ST18: variants seen among roughly 807,000 people sequenced by gnomAD.
ST18 encodes the protein suppression of tumorigenicity 18 protein.
ST18 carries 50 observed loss-of-function variants against 110.0 expected under a neutral mutation model. That is an observed-to-expected ratio of 0.45 (90% CI 0.36 to 0.58). The LOEUF (loss-of-function observed/expected upper bound fraction) is 0.58. Ranked by LOEUF, ST18 falls within the 20% of genes least tolerant of loss-of-function variation. The pLI is 0.00. For missense variants in ST18, 1,306 were observed against 1,280.1 expected, an observed-to-expected ratio of 1.02 and a Z score of -0.31; for synonymous variants, 461 against 452.4, an observed-to-expected ratio of 1.02 and a Z score of -0.24.
intron 2 of ST18, among the ~76,000 whole-genome samples, chr8:52,324,301 TGATGGATGGATGGATGGATG>T (rs201977608): frequency 7.9e-5 from 12 of 150,944 alleles, no homozygotes; most frequent in African/African-American, 2.7e-4. Flanking sequence ...GGTTGATAGA[TGATGGATGGATGGATGGATG>T]GATGGATGGA....
At chr8:52,366,994 G>A (rs1349098290) in intron 2 of ST18, among the ~76,000 whole-genome samples, 1 of 152,088 alleles carries the variant, frequency 6.6e-6, no homozygotes, top group Non-Finnish European at 1.5e-5. Flanking sequence ...GGACTTTGGG[G>A]GGCTGAGGCG....
At chr8:52,254,475 CA>C (rs1315245861) in intron 2 of ST18, 1 of 152,208 alleles carries the variant, frequency 6.6e-6, no homozygotes, top group Admixed American at 6.5e-5. Context: ...TGCGCATACA[CA>C]GATTTTTTTC....
chr8:52,178,645 C>CAAAAAAAAAAAAAAAAAAAAAAAAAAA (rs1563897561), intron 9 of ST18, among the ~76,000 whole-genome samples: 1 of 30,130 alleles, frequency 3.3e-5, no homozygotes, highest in African/African-American at 1.7e-4. Flanking sequence ...AAAAAAAAAC[C>CAAAAAAAAAAAAAAAAAAAAAAAAAAA]ACCAAAAACC....
intron 8 of ST18, among the ~76,000 whole-genome samples, chr8:52,189,277 G>A (rs2073614996): frequency 6.6e-6 from 1 of 152,176 alleles, no homozygotes; most frequent in Admixed American, 6.5e-5. Context: ...TCCTGAAGGT[G>A]CTGGATCAAA....
chr8:52,373,168 A>G (rs1021088740), intron 2 of ST18, among the ~76,000 whole-genome samples: 44 of 152,098 alleles, frequency 2.9e-4, no homozygotes, highest in African/African-American at 1.0e-3. Context: ...TTTCTGGGAA[A>G]GGAGGGGAAG....
At chr8:52,243,035 A>C (rs2093566667) in intron 2 of ST18, among the ~76,000 whole-genome samples, 2 of 152,116 alleles carry the variant, frequency 1.3e-5, no homozygotes, top group African/African-American at 4.8e-5. Context: ...TCACAGAGCT[A>C]AGATTTCTAG....
At chr8:52,345,724 G>A (rs918104046) in intron 2 of ST18, among the ~76,000 whole-genome samples, 1 of 152,210 alleles carries the variant, frequency 6.6e-6, no homozygotes, top group African/African-American at 2.4e-5. Context: ...GACATCTCAT[G>A]TATGCATTTC....
chr8:52,115,744 C>G (rs2042293168), intron 25 of ST18, among the ~76,000 whole-genome samples: 2 of 152,102 alleles, frequency 1.3e-5, no homozygotes, highest in South Asian at 4.1e-4. Context: ...AGTTGCATAC[C>G]TAAAATACAT....
intron 16 of ST18, among the ~76,000 whole-genome samples, chr8:52,143,410 G>A (rs770683713): frequency 5.3e-5 from 8 of 152,082 alleles, no homozygotes; most frequent in Non-Finnish European, 1.0e-4. Context: ...GCGTGAACCC[G>A]GGAAGCGGGG....
intron 2 of ST18, among the ~76,000 whole-genome samples, chr8:52,240,139 T>G (rs1194643188): frequency 6.6e-6 from 1 of 152,150 alleles, no homozygotes; most frequent in Non-Finnish European, 1.5e-5. Context: ...TGTTTAAGAC[T>G]GTTTCAAATC....
At chr8:52,341,545 T>C (rs1815028750) in intron 2 of ST18, among the ~76,000 whole-genome samples, 1 of 152,222 alleles carries the variant, frequency 6.6e-6, no homozygotes, top group Non-Finnish European at 1.5e-5. Flanking sequence ...GATGAAGGGA[T>C]TATCCTGGGG....
chr8:52,202,564 G>A (rs187626284), intron 8 of ST18, among the ~76,000 whole-genome samples: 2 of 152,294 alleles, frequency 1.3e-5, no homozygotes, highest in East Asian at 3.9e-4. Context: ...AGTAATAAGT[G>A]TTTTGAAACA....
In ST18 at chr8:52,133,145, A is replaced by G. The variant is rs2050414437; in HGVS notation, c.2364-8T>C. On this transcript the variant is annotated splice_polypyrimidine_tract_variant and splice_region_variant and intron_variant, in intron 20 of 25. Coordinates refer to ENST00000689386, the MANE Select transcript of ST18 (RefSeq NM_001352837.2). ...CGAGGGCATCCGGACAAGCTGAAAT[A>G]GGGACCCGACAAAGAACAAAGCAAA... 19 of 1,614,210 alleles carry G rather than the reference A, an allele frequency of 1.2e-5. No individual in the cohort carries two copies. Among genetic ancestry groups the G allele is most frequent in the Non-Finnish European group, 1.4e-5 (17 of 1,180,034 alleles).
intron 2 of ST18, among the ~76,000 whole-genome samples, chr8:52,370,727 G>A (rs74481208): frequency 0.018 from 2,712 of 152,150 alleles, 37 homozygotes; most frequent in Admixed American, 0.035. Context: ...TAGGTTTGAG[G>A]GTCCCTTTCT....
At chr8:52,305,871 C>T (rs1455869427) in intron 2 of ST18, among the ~76,000 whole-genome samples, 2 of 152,208 alleles carry the variant, frequency 1.3e-5, no homozygotes, top group Non-Finnish European at 2.9e-5. Flanking sequence ...TGCCTCTTCA[C>T]TATGTCCTCT....
At chr8:52,345,014 T>C (rs946210755) in intron 2 of ST18, among the ~76,000 whole-genome samples, 6 of 152,202 alleles carry the variant, frequency 3.9e-5, no homozygotes, top group Non-Finnish European at 7.3e-5. Context: ...TGACTTTGAC[T>C]CCAAAGTTTA....
chr8:52,271,203 A>G (rs1159028650), intron 2 of ST18, among the ~76,000 whole-genome samples: 1 of 152,180 alleles, frequency 6.6e-6, no homozygotes, highest in Non-Finnish European at 1.5e-5. Context: ...ATTTATAATT[A>G]TCTCGAAAAA....
In ST18 at chr8:52,291,299, C is replaced by T. The variant is rs182361232; in HGVS notation, c.-464-61222G>A. Among the ~76,000 whole-genome samples the T allele has an allele frequency of 1.8e-4, 27 of 152,342 alleles. No homozygotes were observed. The East Asian group carries it at 3.5e-3, about 20-fold the overall frequency. On this transcript the variant is annotated intron_variant, in intron 2 of 25. Transcript: ENST00000689386. ...AGGCTGTTTCTGAGCTGCGCCCACA[C>T]GATGCCTACAGTGGCTGGCAAGGCA...
At chr8:52,150,301 T>C (rs7845853) in intron 15 of ST18, among the ~76,000 whole-genome samples, 49,555 of 151,826 alleles carry the variant, frequency 0.33, 11,275 homozygotes, top group African/African-American at 0.65. Flanking sequence ...TGTATATATA[T>C]ACACATACAC....
Sources: allele counts gnomAD v4.1 joint callset (sites outside exome capture counted in the v4.1 genomes callset), GRCh38; gene constraint gnomAD v4.1.1; transcripts MANE v1.5; gene names NCBI Gene and HGNC (gene_info 2026-07-23, HGNC 2026-07-21).